Variants in KCNH1 observed in about 807,000 individuals in gnomAD.
KCNH1 encodes the protein voltage-gated delayed rectifier potassium channel KCNH1.
Under a neutral mutation model 69.2 loss-of-function variants are expected in KCNH1, and 27 were observed. The observed-to-expected ratio is 0.39, with a 90% CI of 0.29 to 0.54. The LOEUF is 0.54. Ranked by LOEUF, KCNH1 falls within the 20% of genes least tolerant of loss-of-function variation. KCNH1 has a pLI of 0.68. For synonymous variants in KCNH1, 456 were observed against 487.7 expected (o/e 0.93, Z 0.86); for missense variants, 798 against 1,261.6 (o/e 0.63, Z 5.57).
At position 210,953,720 on chromosome 1, in the gene KCNH1, G is replaced by A. The variant is rs190851481; in HGVS notation, c.1033-33651C>T. On this transcript the variant is annotated intron_variant, in intron 6 of 10. Transcript: ENST00000271751. ...CCTCCAGTGGCTTTCCAGTGCCTAC[G>A]AGTAAAATTCACACCCCCTGGGATG... 3.6e-3 allele frequency among the ~76,000 whole-genome samples: 542 copies of A among 152,122 alleles called. 5 individuals are homozygous for A. Among genetic ancestry groups the A allele is most frequent in the Non-Finnish European group, 5.0e-3 (343 of 68,014 alleles).
rs186007995 is a variant in KCNH1, at chr1:211,001,524, G to T, written c.1032+17259C>A. Among the ~76,000 whole-genome samples the T allele has an allele frequency of 8.7e-4, 132 of 152,322 alleles. 1 individual carries two copies. Among genetic ancestry groups the T allele is most frequent in the Admixed American group, 2.2e-3 (33 of 15,302 alleles). ...AAAAGTCAGGAAACAACAGGTGCTGGAGAGGATGTGGAGATATAGGAACAC... is the reference window on the plus strand; with the variant it reads ...AAAAGTCAGGAAACAACAGGTGCTGTAGAGGATGTGGAGATATAGGAACAC... On this transcript the variant is annotated intron_variant, in intron 6 of 10. Coordinates refer to ENST00000271751, the MANE Select transcript of KCNH1 (RefSeq NM_172362.3).
At chr1:210,940,276 C>T (rs1408168687) in intron 6 of KCNH1, among the ~76,000 whole-genome samples, 2 of 152,266 alleles carry the variant, frequency 1.3e-5, no homozygotes, top group East Asian at 3.9e-4. Flanking sequence ...AGACACATGC[C>T]CTTATGTTGC....
intron 6 of KCNH1, among the ~76,000 whole-genome samples, chr1:210,930,770 C>G (rs1687666470): frequency 6.6e-6 from 1 of 152,080 alleles, no homozygotes; most frequent in Non-Finnish European, 1.5e-5. Flanking sequence ...GGGAGAAAAT[C>G]TTCACAATCT....
intron 10 of KCNH1, among the ~76,000 whole-genome samples, chr1:210,736,332 T>C (rs573067068): frequency 0.014 from 2,171 of 152,288 alleles, 17 homozygotes; most frequent in Non-Finnish European, 0.025. Context: ...GTGGGTCACC[T>C]GAGGTCGGGA....
At chr1:211,120,920 C>T (rs1240943950) in intron 1 of KCNH1, among the ~76,000 whole-genome samples, 1 of 152,140 alleles carries the variant, frequency 6.6e-6, no homozygotes, top group African/African-American at 2.4e-5. Context: ...CATGAACGAA[C>T]TCCCATTCAC....
chr1:211,011,518 G>A (rs148991831), intron 6 of KCNH1, among the ~76,000 whole-genome samples: 2 of 152,142 alleles, frequency 1.3e-5, no homozygotes, highest in African/African-American at 4.8e-5. Flanking sequence ...GGGTCAAATG[G>A]TATTTCTGGT....
Position 210,735,847 on chromosome 1 carries a change from CAA to C in KCNH1, c.2112+39499_2112+39500del, listed in dbSNP as rs1282107821. ...GAGAGAGAGAGAGAGAGAGAGCGCA[CAA>C]GAGAGAGTACACTTCAGCTATCTCC... is the stretch of plus-strand genomic sequence containing the variant. On this transcript the variant is annotated intron_variant, in intron 10 of 10. Coordinates refer to ENST00000271751, the MANE Select transcript of KCNH1 (RefSeq NM_172362.3). Among the ~76,000 whole-genome samples the C allele has an allele frequency of 5.9e-5, 9 of 151,512 alleles. No individual in the cohort carries two copies. The East Asian group carries it at 1.6e-3, about 26-fold the overall frequency.
At chr1:211,022,217 C>T (rs1393123832) in intron 5 of KCNH1, among the ~76,000 whole-genome samples, 1 of 152,118 alleles carries the variant, frequency 6.6e-6, no homozygotes, top group Non-Finnish European at 1.5e-5. Flanking sequence ...CAAGAATATA[C>T]ATTGAGAATA....
chr1:210,825,641 T>C (rs1685017981), intron 7 of KCNH1, among the ~76,000 whole-genome samples: 1 of 152,248 alleles, frequency 6.6e-6, no homozygotes, highest in Non-Finnish European at 1.5e-5. Flanking sequence ...TTGAGAACGG[T>C]TGCCCTGCAT....
At chr1:210,700,400 A>G (rs1391726172) in intron 10 of KCNH1, among the ~76,000 whole-genome samples, 2 of 152,156 alleles carry the variant, frequency 1.3e-5, no homozygotes, top group African/African-American at 2.4e-5. Context: ...CAGGAGTGTG[A>G]GGCCAAGGCT....
At chr1:210,955,950 G>T (rs1688166620) in intron 6 of KCNH1, among the ~76,000 whole-genome samples, 1 of 152,246 alleles carries the variant, frequency 6.6e-6, no homozygotes, top group East Asian at 1.9e-4. Flanking sequence ...TTGAATAGGA[G>T]TGGTGAGAGA....
At position 210,882,210 on chromosome 1, in the gene KCNH1, T is replaced by G. The variant is rs1045553400; in HGVS notation, c.1462+37430A>C. 2.6e-5 allele frequency among the ~76,000 whole-genome samples: 4 copies of G among 152,146 alleles called. No homozygotes were observed. The South Asian group carries it at 8.3e-4, about 32-fold the overall frequency. On this transcript the variant is annotated intron_variant, in intron 7 of 10. Coordinates refer to ENST00000271751, the MANE Select transcript of KCNH1 (RefSeq NM_172362.3). Reference sequence around the variant, plus strand: ...AATCACTCTAAACAATAAAATTCTATTATAAAATTTTTAAAAAATTTAAAG... The same window carrying G: ...AATCACTCTAAACAATAAAATTCTAGTATAAAATTTTTAAAAAATTTAAAG...
intron 7 of KCNH1, among the ~76,000 whole-genome samples, chr1:210,904,670 C>G (rs1032168787): frequency 3.7e-4 from 56 of 152,256 alleles, no homozygotes; most frequent in African/African-American, 1.2e-3. Flanking sequence ...ACACCCACAT[C>G]TCTGTCTAGG....
intron 6 of KCNH1, among the ~76,000 whole-genome samples, chr1:210,956,817 G>C (rs919017285): frequency 6.6e-6 from 1 of 151,638 alleles, no homozygotes; most frequent in African/African-American, 2.4e-5. Flanking sequence ...TTCTTTATTA[G>C]TCTTGCCAGC....
At chr1:210,726,753 A>C (rs1682601619) in intron 10 of KCNH1, among the ~76,000 whole-genome samples, 1 of 152,212 alleles carries the variant, frequency 6.6e-6, no homozygotes, top group Non-Finnish European at 1.5e-5. Context: ...AGTGAACCCC[A>C]AACAGGGTGA....
chr1:210,756,806 C>T (rs1429181608), intron 10 of KCNH1, among the ~76,000 whole-genome samples: 3 of 152,174 alleles, frequency 2.0e-5, no homozygotes, highest in Admixed American at 1.3e-4. Flanking sequence ...GGTTGGCCTA[C>T]CCTGAAAGTC....
chr1:210,925,317 G>C (rs1394442629), intron 6 of KCNH1, among the ~76,000 whole-genome samples: 3 of 152,234 alleles, frequency 2.0e-5, no homozygotes, highest in African/African-American at 7.2e-5. Flanking sequence ...CTCATGCTGT[G>C]AACTTTTGCT....
chr1:210,699,790 G>T (rs1450903970), intron 10 of KCNH1, among the ~76,000 whole-genome samples: 1 of 152,204 alleles, frequency 6.6e-6, no homozygotes, highest in Non-Finnish European at 1.5e-5. Flanking sequence ...AGTATAGCTG[G>T]CACTTGGGTT....
chr1:210,909,859 G>A (rs1414129924), intron 7 of KCNH1, among the ~76,000 whole-genome samples: 2 of 152,128 alleles, frequency 1.3e-5, no homozygotes, highest in African/African-American at 2.4e-5. Context: ...CACTATCATG[G>A]GCTATAGCAT....
Sources: allele counts gnomAD v4.1 joint callset (sites outside exome capture counted in the v4.1 genomes callset), GRCh38; gene constraint gnomAD v4.1.1; transcripts MANE v1.5; gene names NCBI Gene and HGNC (gene_info 2026-07-23, HGNC 2026-07-21).